Variants in EYS observed in about 807,000 individuals in gnomAD.
EYS encodes protein eyes shut homolog.
In EYS, 250 loss-of-function variants were observed where a neutral mutation model predicts 282.1. The observed-to-expected ratio is 0.89, with a 90% confidence interval of 0.80 to 0.98. The LOEUF is 0.98. Ranked by LOEUF, EYS falls within the 50% of genes least tolerant of loss-of-function variation. The probability of loss-of-function intolerance (pLI) is 0.00; values close to 1 mark genes in which losing one functional copy is unlikely to be tolerated. For synonymous variants in EYS, 1,355 were observed against 1,282.9 expected (o/e 1.06, Z -1.20); for missense variants, 4,016 against 3,709.0 (o/e 1.08, Z -2.15).
intron 22 of EYS, among the ~76,000 whole-genome samples, chr6:64,763,757 G>A (rs1034659140): frequency 5.3e-5 from 8 of 152,066 alleles, no homozygotes; most frequent in African/African-American, 1.9e-4. Flanking sequence ...TAAAAAACAA[G>A]TTAGTTACTT....
At chr6:64,327,036 C>T (rs542672161) in intron 29 of EYS, among the ~76,000 whole-genome samples, 1 of 152,174 alleles carries the variant, frequency 6.6e-6, no homozygotes, top group African/African-American at 2.4e-5. Context: ...AAAGGAAAAC[C>T]GTTTCAGGGA....
intron 35 of EYS, among the ~76,000 whole-genome samples, chr6:63,955,166 A>G (rs1765763126): frequency 6.6e-6 from 1 of 151,996 alleles, no homozygotes; most frequent in South Asian, 2.1e-4. Context: ...TCTGTCAAAC[A>G]TAATTCCTTA....
At chr6:65,281,797 A>C (rs1433532446) in intron 12 of EYS, among the ~76,000 whole-genome samples, 1 of 152,140 alleles carries the variant, frequency 6.6e-6, no homozygotes, top group Non-Finnish European at 1.5e-5. Flanking sequence ...AGGTTCTGTA[A>C]GTTCTTCTGA....
At chr6:64,802,728 A>G (rs1282947880) in intron 22 of EYS, among the ~76,000 whole-genome samples, 2 of 152,208 alleles carry the variant, frequency 1.3e-5, no homozygotes, top group South Asian at 2.1e-4. Flanking sequence ...GATGAAGTTT[A>G]CCAGTGAGTT....
chr6:64,314,853 A>C (rs1199344073), intron 29 of EYS, among the ~76,000 whole-genome samples: 2 of 152,166 alleles, frequency 1.3e-5, no homozygotes, highest in Admixed American at 1.3e-4. Context: ...CTAATATCAC[A>C]ATTAAAAGAA....
At chr6:64,290,119 G>A (rs181798680) in intron 30 of EYS, among the ~76,000 whole-genome samples, 55 of 152,160 alleles carry the variant, frequency 3.6e-4, no homozygotes, top group Non-Finnish European at 4.9e-4. Context: ...TTTGCACTAC[G>A]CAGCCATATA....
chr6:65,370,656 G>C (rs143103364), intron 8 of EYS, among the ~76,000 whole-genome samples: 7 of 151,646 alleles, frequency 4.6e-5, no homozygotes, highest in African/African-American at 1.7e-4. Flanking sequence ...CTTTTCCCAT[G>C]TTCTATGTAT....
At chr6:64,651,660 T>C (rs1768565772) in intron 22 of EYS, among the ~76,000 whole-genome samples, 1 of 152,038 alleles carries the variant, frequency 6.6e-6, no homozygotes, top group Admixed American at 6.6e-5. Flanking sequence ...TCCAGCGTGG[T>C]GACAGAGCGA....
At chr6:65,184,285 T>C (rs1170856641) in intron 12 of EYS, among the ~76,000 whole-genome samples, 2 of 151,904 alleles carry the variant, frequency 1.3e-5, no homozygotes, top group Non-Finnish European at 2.9e-5. Flanking sequence ...GCCTTCTTGC[T>C]ATGCCATAAC....
At chr6:64,017,427 T>A (rs1768948004) in intron 33 of EYS, among the ~76,000 whole-genome samples, 1 of 152,142 alleles carries the variant, frequency 6.6e-6, no homozygotes, top group Non-Finnish European at 1.5e-5. Context: ...GTTTCCATGG[T>A]CTGGTGAGGT....
intron 30 of EYS, among the ~76,000 whole-genome samples, chr6:64,238,383 G>C (rs1181078628): frequency 1.3e-5 from 2 of 152,076 alleles, no homozygotes; most frequent in Non-Finnish European, 2.9e-5. Flanking sequence ...AGTACAGAGG[G>C]TTATTATTAT....
At chr6:64,675,431 T>TTC (rs1554191939) in intron 22 of EYS, among the ~76,000 whole-genome samples, 19 of 140,564 alleles carry the variant, frequency 1.4e-4, no homozygotes, top group South Asian at 9.9e-4. Context: ...TTTTTTTCTT[T>TTC]TTTTTTTTTT....
At chr6:64,985,276 C>A (rs571533821) in intron 14 of EYS, among the ~76,000 whole-genome samples, 1 of 151,490 alleles carries the variant, frequency 6.6e-6, no homozygotes, top group African/African-American at 2.4e-5. Context: ...TTTTTGAACT[C>A]AAGTAACAAA....
chr6:64,973,297 C>T (rs929414597), intron 14 of EYS, among the ~76,000 whole-genome samples: 2 of 152,032 alleles, frequency 1.3e-5, no homozygotes, highest in African/African-American at 4.8e-5. Flanking sequence ...GCACTAGCCA[C>T]TGGGCAAATA....
In EYS at chr6:64,524,028, T is replaced by G. The variant is rs975747402; in HGVS notation, c.5644+66195A>C. 2.0e-5 allele frequency among the ~76,000 whole-genome samples: 3 copies of G among 151,706 alleles called. No homozygotes were observed. The Admixed American group carries it at 2.0e-4, about 10-fold the overall frequency. On this transcript the variant is annotated intron_variant, in intron 26 of 42. Transcript: ENST00000503581. ...CATTTTGTATTTTTGTACTTTTTACTTATCATCCAGGAAACATGCTGAAAT... is the reference window on the plus strand; with the variant it reads ...CATTTTGTATTTTTGTACTTTTTACGTATCATCCAGGAAACATGCTGAAAT...
chr6:64,059,409 G>GTCAAGTCACT (rs1363958917), intron 33 of EYS, among the ~76,000 whole-genome samples: 1 of 152,296 alleles, frequency 6.6e-6, no homozygotes, highest in African/African-American at 2.4e-5. Flanking sequence ...TGATTACAGA[G>GTCAAGTCACT]TCAAGTCACT....
chr6:63,795,358 A>C (rs1355949050), intron 37 of EYS, among the ~76,000 whole-genome samples: 1 of 152,182 alleles, frequency 6.6e-6, no homozygotes, highest in East Asian at 1.9e-4. Context: ...AGGGATGGGA[A>C]TGATGATAAA....
At chr6:64,429,566 G>A (rs1774515058) in intron 28 of EYS, among the ~76,000 whole-genome samples, 1 of 152,214 alleles carries the variant, frequency 6.6e-6, no homozygotes, top group Non-Finnish European at 1.5e-5. Flanking sequence ...CAGAGGTGGA[G>A]GTTGCAGTGA....
chr6:64,744,926 AGATGTTT>A, intron 22 of EYS, among the ~76,000 whole-genome samples: 1 of 152,174 alleles, frequency 6.6e-6, no homozygotes, highest in East Asian at 1.9e-4. Context: ...TATTTGAAAT[AGATGTTT>A]GTTATTAAAA....
Sources: gnomAD v4.1 joint callset for allele counts (sites outside exome capture counted in the v4.1 genomes callset) on GRCh38, gnomAD v4.1.1 for gene constraint, MANE v1.5 for transcripts, NCBI Gene and HGNC (gene_info 2026-07-23, HGNC 2026-07-21) for gene names.